Variants in NRCAM observed in about 807,000 individuals in gnomAD.
NRCAM encodes the protein neuronal cell adhesion molecule.
A neutral mutation model predicts 156.5 loss-of-function variants in NRCAM; 83 were observed. The observed-to-expected ratio is 0.53, with a 90% CI of 0.44 to 0.64. The LOEUF is 0.64. NRCAM is among the 30% of genes least tolerant of loss of function. NRCAM has a pLI of 0.00. For synonymous variants in NRCAM, 538 were observed against 563.9 expected, an observed-to-expected ratio of 0.95 and a Z score of 0.65; for missense variants, 1,417 against 1,597.3, an observed-to-expected ratio of 0.89 and a Z score of 1.92.
Position 108,198,039 on chromosome 7 carries a change from T to G in NRCAM, c.1268A>C (p.Gln423Pro), listed in dbSNP as rs2076051098. Residue 423 changes from glutamine to proline, a missense_variant, in exon 14 of 33, where the codon CAA (glutamine) becomes CCA (proline). By Grantham distance (76) the Gln-to-Pro change is moderately conservative (BLOSUM62 -1). Coordinates refer to ENST00000379028, the MANE Select transcript of NRCAM (RefSeq NM_001037132.4). ...DGDTIIFSNV[Q>P]ERSSAVYQCN... ...CTGATAGACTGCACTTGATCTTTCTTGAACATTTGAAAAAATAATGGTATC... is the reference window on the plus strand; with the variant it reads ...CTGATAGACTGCACTTGATCTTTCTGGAACATTTGAAAAAATAATGGTATC... The G allele has an allele frequency of 6.2e-7, 1 of 1,604,490 alleles. No individual in the cohort carries two copies.
chr7:108,335,051 T>C (rs1468709116), intron 2 of NRCAM, among the ~76,000 whole-genome samples: 2 of 152,198 alleles, frequency 1.3e-5, no homozygotes, highest in African/African-American at 2.4e-5. Context: ...AACACTGATA[T>C]ATTTCCAACT....
chr7:108,391,077 T>C (rs1014034611), intron 2 of NRCAM, among the ~76,000 whole-genome samples: 13 of 152,222 alleles, frequency 8.5e-5, no homozygotes, highest in Non-Finnish European at 1.5e-4. Flanking sequence ...GTTCTATAGA[T>C]GTCTATTAGG....
At chr7:108,326,191 TAA>T (rs1313105348) in intron 2 of NRCAM, among the ~76,000 whole-genome samples, 1 of 152,194 alleles carries the variant, frequency 6.6e-6, no homozygotes, top group Non-Finnish European at 1.5e-5. Context: ...AAAGTTAATA[TAA>T]AAAGATACAT....
chr7:108,209,546 A>C lies in NRCAM; in HGVS notation c.950T>G (p.Val317Gly). The part of the protein sequence containing the change: ...EDGMLPKNRT[V>G]YKNFEKTLQI... ...CAAGGTTTTCTCAAAGTTCTTATAA[A>C]CTGTCCTGTTTTTGGGTAGCATTCC... is the stretch of plus-strand genomic sequence containing the variant. Residue 317 changes from valine (V) to glycine (G), a missense_variant, in exon 12 of 33, where the codon GTT becomes GGT. Physicochemically the swap from Val to Gly is moderately radical, Grantham distance 109 (BLOSUM62 -3). This residue lies in a region of NRCAM where 1,238 missense variants were observed against 1,336.4 expected (regional missense o/e 0.93). Coordinates refer to ENST00000379028, the MANE Select transcript of NRCAM (RefSeq NM_001037132.4). 6.2e-7 allele frequency: 1 copy of C among 1,612,760 alleles called. No homozygotes were observed. Among genetic ancestry groups the C allele is most frequent in the Non-Finnish European group, 8.5e-7 (1 of 1,179,504 alleles).
At chr7:108,340,948 C>T (rs1294706674) in intron 2 of NRCAM, among the ~76,000 whole-genome samples, 1 of 152,112 alleles carries the variant, frequency 6.6e-6, no homozygotes, top group South Asian at 2.1e-4. Context: ...GCAGGCAGAA[C>T]AAGACAAACG....
chr7:108,270,087 T>C (rs909285808), intron 3 of NRCAM, among the ~76,000 whole-genome samples: 1 of 152,228 alleles, frequency 6.6e-6, no homozygotes, highest in Non-Finnish European at 1.5e-5. Flanking sequence ...AAATAACAGC[T>C]TTCCCTATTT....
rs575052214 is a variant in NRCAM, at chr7:108,187,927, C to T, written c.2035+1718G>A. 4.6e-5 allele frequency among the ~76,000 whole-genome samples: 7 copies of T among 151,990 alleles called. No homozygotes were observed. In the East Asian group the frequency reaches 1.4e-3, roughly 29 times the overall value. On this transcript the variant is annotated intron_variant, in intron 20 of 32. Transcript: ENST00000379028. The stretch of plus-strand genomic sequence containing the variant: ...CCGAGATCGCGCCACTGCACTCCAG[C>T]CTGGGCAACAAAGCGAGACTCCGTC...
chr7:108,193,216 G>C (rs910676936), intron 17 of NRCAM, among the ~76,000 whole-genome samples: 4 of 152,078 alleles, frequency 2.6e-5, no homozygotes, highest in African/African-American at 9.7e-5. Context: ...AAATAAAATT[G>C]ACTAGTTCAA....
chr7:108,388,652 G>T (rs2099749378), intron 2 of NRCAM, among the ~76,000 whole-genome samples: 1 of 152,116 alleles, frequency 6.6e-6, no homozygotes, highest in Admixed American at 6.5e-5. Flanking sequence ...TGTCCTGAAT[G>T]GTATTGCCTA....
intron 32 of NRCAM, among the ~76,000 whole-genome samples, chr7:108,153,423 ATG>A (rs2042941844): frequency 6.6e-6 from 1 of 152,144 alleles, no homozygotes; most frequent in Non-Finnish European, 1.5e-5. Context: ...TAGGAATAGA[ATG>A]TATTTTTATT....
At chr7:108,276,128 T>A (rs2097592103) in intron 3 of NRCAM, among the ~76,000 whole-genome samples, 1 of 152,220 alleles carries the variant, frequency 6.6e-6, no homozygotes, top group Admixed American at 6.5e-5. Flanking sequence ...TCTTTTACAT[T>A]TGCTGAGGAG....
intron 1 of NRCAM, among the ~76,000 whole-genome samples, chr7:108,435,874 T>G (rs991428725): frequency 6.6e-6 from 1 of 152,238 alleles, no homozygotes; most frequent in African/African-American, 2.4e-5. Flanking sequence ...GGCTTACGCC[T>G]GTAATCCCAG....
intron 2 of NRCAM, among the ~76,000 whole-genome samples, chr7:108,396,377 T>C (rs940757986): frequency 2.0e-5 from 3 of 152,328 alleles, no homozygotes; most frequent in East Asian, 3.9e-4. Flanking sequence ...GAACAATTCA[T>C]TGTCTTCAAG....
At chr7:108,173,071 T>G (rs1302799112) in intron 28 of NRCAM, among the ~76,000 whole-genome samples, 1 of 150,030 alleles carries the variant, frequency 6.7e-6, no homozygotes, top group African/African-American at 2.5e-5. Context: ...CTGCAACCTC[T>G]ACCTCCTGAG....
At chr7:108,184,089 TAAGTA>T in intron 22 of NRCAM, 147 bp downstream of exon 22, 1 of 388,328 alleles carries the variant, frequency 2.6e-6, no homozygotes, top group Non-Finnish European at 4.4e-6. Flanking sequence ...TACTGCCTCT[TAAGTA>T]AAGATATATA....
chr7:108,220,584 A>T (rs1217804598), intron 11 of NRCAM, among the ~76,000 whole-genome samples: 2 of 152,178 alleles, frequency 1.3e-5, no homozygotes, highest in African/African-American at 2.4e-5. Context: ...GCAAACAAAA[A>T]CATAAAGTGG....
At chr7:108,356,440 T>C (rs1369071816) in intron 2 of NRCAM, among the ~76,000 whole-genome samples, 4 of 152,294 alleles carry the variant, frequency 2.6e-5, no homozygotes, top group African/African-American at 7.2e-5. Context: ...AGGCATCCAC[T>C]AGAGGTCTTG....
chr7:108,172,268 T>G (rs1157760612), intron 28 of NRCAM, among the ~76,000 whole-genome samples: 1 of 126,358 alleles, frequency 7.9e-6, no homozygotes, highest in African/African-American at 2.5e-5. Flanking sequence ...TTCCAGACCC[T>G]GAAATCATTT....
chr7:108,379,037 A>G (rs2099689572), intron 2 of NRCAM, among the ~76,000 whole-genome samples: 1 of 152,096 alleles, frequency 6.6e-6, no homozygotes, highest in Non-Finnish European at 1.5e-5. Flanking sequence ...CTGACTCCTG[A>G]TAGCAAAATA....
Sources: gnomAD v4.1 joint callset for allele counts (sites outside exome capture counted in the v4.1 genomes callset) on GRCh38, gnomAD v4.1.1 for gene constraint, gnomAD v4.1.1 regional missense constraint, MANE v1.5 for transcripts, NCBI Gene and HGNC (gene_info 2026-07-23, HGNC 2026-07-21) for gene names.